FAHD2B: variants seen among roughly 807,000 people sequenced by gnomAD.
The protein encoded by FAHD2B is fumarylacetoacetate hydrolase domain containing 2B.
Under a neutral mutation model 33.7 loss-of-function variants are expected in FAHD2B, and 26 were observed. The ratio of observed to expected loss-of-function variants is 0.77; its 90% confidence interval spans 0.57 to 1.07. The LOEUF (loss-of-function observed/expected upper bound fraction) is 1.07, where lower values mean the gene tolerates loss of function less well. FAHD2B is among the 50% of genes least tolerant of loss of function. The probability of loss-of-function intolerance (pLI) is 0.00; values close to 1 mark genes in which losing one functional copy is unlikely to be tolerated. For synonymous variants in FAHD2B, 108 were observed against 150.9 expected (o/e 0.72, Z 2.08); for missense variants, 272 against 388.1 (o/e 0.70, Z 2.51).
intron 4 of FAHD2B, among the ~76,000 whole-genome samples, chr2:97,087,562 G>A (rs993285653): frequency 2.0e-5 from 3 of 151,952 alleles, no homozygotes; most frequent in African/African-American, 7.2e-5. Flanking sequence ...AGCCAGGTGT[G>A]GTGGTGCATC....
chr2:97,080,987 G>C (rs1234987403), downstream of FAHD2B: 2 of 955,140 alleles, frequency 2.1e-6, no homozygotes, highest in African/African-American at 1.7e-5. Context: ...AGCTTTGGGG[G>C]CTGGGCGCGG....
chr2:97,083,813 C>T lies in FAHD2B; in HGVS notation c.887G>A (p.Gly296Glu). 1.9e-6 allele frequency: 3 copies of T among 1,614,142 alleles called. No homozygotes were observed. Residue 296 changes from glycine (G) to glutamate (E), a missense_variant, in exon 9 of 9, where the codon GGG becomes GAG. By Grantham distance (98) the Gly-to-Glu change is moderately conservative. Coordinates refer to ENST00000414820, the MANE Select transcript of FAHD2B (RefSeq NM_001320848.2). ...FRKPPVFLKK[G>E]DEVQCEIEEL... Reference sequence around the variant, plus strand: ...TTCAATCTCACACTGGACTTCATCCCCCTTCTGCAACAGAGCAGGCCATGA... The same window carrying T: ...TTCAATCTCACACTGGACTTCATCCTCCTTCTGCAACAGAGCAGGCCATGA...
chr2:97,083,281 C>T, downstream of FAHD2B: 2 of 1,602,060 alleles, frequency 1.2e-6, no homozygotes, highest in South Asian at 1.1e-5. Flanking sequence ...GGAGCCTGTG[C>T]TGAGACTTCT....
intron 6 of FAHD2B, among the ~76,000 whole-genome samples, chr2:97,085,331 G>A (rs2031905208): frequency 2.7e-5 from 4 of 150,616 alleles, no homozygotes; most frequent in Non-Finnish European, 5.9e-5. Context: ...AGTCACACTG[G>A]CTTTCATCTG....
chr2:97,087,472 TG>T (rs1264536544), intron 4 of FAHD2B, among the ~76,000 whole-genome samples: 2 of 151,874 alleles, frequency 1.3e-5, no homozygotes, highest in Non-Finnish European at 2.9e-5. Context: ...CTGAGGCAGG[TG>T]GATCACCTGA....
downstream of FAHD2B, among the ~76,000 whole-genome samples, chr2:97,079,151 T>C (rs1258390724): frequency 6.6e-6 from 1 of 152,150 alleles, no homozygotes; most frequent in African/African-American, 2.4e-5. Flanking sequence ...ATATACCACA[T>C]TTTCTTTATC....
downstream of FAHD2B, chr2:97,081,564 T>C (rs1048464015): frequency 6.6e-7 from 1 of 1,525,570 alleles, no homozygotes; most frequent in African/African-American, 1.5e-5. Context: ...CCTGGCCTCC[T>C]CCAGCCTCCC....
chr2:97,087,783 T>C (rs1403916441), intron 4 of FAHD2B, among the ~76,000 whole-genome samples: 5 of 152,184 alleles, frequency 3.3e-5, no homozygotes, highest in East Asian at 1.9e-4. Context: ...TGAGAATCTA[T>C]GGGGCAATAA....
downstream of FAHD2B, chr2:97,083,570 G>A: frequency 9.2e-7 from 1 of 1,085,442 alleles, no homozygotes; most frequent in South Asian, 1.6e-5. Context: ...AAGACAAACA[G>A]CACAAGCCAA....
rs2032562133 is a variant in FAHD2B at position 97,094,816 on chromosome 2, G to A, written c.-248C>T. On this transcript the variant is annotated 5_prime_UTR_variant, in exon 1 of 9. Transcript: ENST00000414820. ...GCACCAGTCACCGCATCCAGCCGGG[G>A]AACTACAGCAGCGGCGAAGTCACTG... 1 of 129,186 alleles carries A rather than the reference G, an allele frequency of 7.7e-6. No homozygotes were observed. The highest frequency in any genetic ancestry group is 1.6e-5 in the Non-Finnish European group (1 of 61,588). 8.0% of individuals were successfully genotyped at this position (129,186 alleles called of 1,614,324 possible). A position where few individuals can be genotyped will look rare whatever the true frequency, so the allele number is the denominator to read the frequency against.
At chr2:97,079,740 C>T (rs1298234209), downstream of FAHD2B, among the ~76,000 whole-genome samples, 15 of 151,616 alleles carry the variant, frequency 9.9e-5, no homozygotes, top group African/African-American at 1.5e-4. Context: ...TCTCGGCTCA[C>T]GGCAACCTCC....
At chr2:97,082,512 CTGG>C (rs2031684250), downstream of FAHD2B, 1 of 1,607,596 alleles carries the variant, frequency 6.2e-7, no homozygotes, top group Non-Finnish European at 8.5e-7. Flanking sequence ...GTGGTGTTTG[CTGG>C]TGGCTGCTGC....
At chr2:97,083,202 C>T (rs1392701837), downstream of FAHD2B, 7 of 1,608,216 alleles carry the variant, frequency 4.4e-6, 1 homozygote, top group Admixed American at 8.5e-5. Flanking sequence ...CTACTTTTGC[C>T]AGCCAGGACA....
intron 4 of FAHD2B, 85 bp downstream of exon 4, chr2:97,090,024 G>A (rs1450106600): frequency 4.6e-6 from 7 of 1,523,502 alleles, no homozygotes; most frequent in South Asian, 1.2e-5. Flanking sequence ...CTGAGCGAGA[G>A]GTGGCTCCAG....
intron 7 of FAHD2B, 46 bp from the exon 8 acceptor site, chr2:97,084,081 T>C (rs1470363852): frequency 6.2e-7 from 1 of 1,612,822 alleles, no homozygotes; most frequent in Admixed American, 1.7e-5. Context: ...GCTGGCTGAG[T>C]GGCCACAGCC....
chr2:97,088,138 C>A (rs2032109367), intron 4 of FAHD2B, among the ~76,000 whole-genome samples: 2 of 152,128 alleles, frequency 1.3e-5, no homozygotes, highest in African/African-American at 4.8e-5. Context: ...CTGCTATAAT[C>A]AACTTTGATT....
At chr2:97,086,045 T>C (rs62155549) in intron 5 of FAHD2B, 94 bp downstream of exon 5, 894,531 of 1,332,108 alleles carry the variant, frequency 0.67, 333,433 homozygotes, top group Non-Finnish European at 0.77. Flanking sequence ...GGACAGCTGG[T>C]GCCGTGTGTC....
downstream of FAHD2B, among the ~76,000 whole-genome samples, chr2:97,079,132 G>A (rs1377978966): frequency 5.3e-5 from 8 of 152,074 alleles, no homozygotes; most frequent in South Asian, 2.1e-4. Context: ...ATAGTATTTC[G>A]TGGTGTATAT....
intron 7 of FAHD2B, 34 bp from the exon 8 acceptor site, chr2:97,084,069 GGGCTGGCTGAGT>G: frequency 6.2e-7 from 1 of 1,613,248 alleles, no homozygotes; most frequent in East Asian, 2.2e-5. Context: ...GTGAGACCAG[GGGCTGGCTGAGT>G]GGCCACAGCC....
Sources: allele counts gnomAD v4.1 joint callset (sites outside exome capture counted in the v4.1 genomes callset), GRCh38; gene constraint gnomAD v4.1.1; transcripts MANE v1.5; gene names NCBI Gene and HGNC (gene_info 2026-07-23, HGNC 2026-07-21).